Variants in ANKRD33B observed in about 807,000 individuals in gnomAD.
ANKRD33B encodes ankyrin repeat domain-containing protein 33B.
In ANKRD33B, 6 loss-of-function variants were observed where a neutral mutation model predicts 21.5. That is an observed-to-expected ratio of 0.28 (90% CI 0.15 to 0.55). The LOEUF is 0.55. Ranked by LOEUF, ANKRD33B falls within the 20% of genes least tolerant of loss-of-function variation. The probability of loss-of-function intolerance (pLI) is 0.94; values close to 1 mark genes in which losing one functional copy is unlikely to be tolerated. For synonymous variants in ANKRD33B, 347 were observed against 342.4 expected (o/e 1.01, Z -0.15); for missense variants, 698 against 747.2 (o/e 0.93, Z 0.77).
At chr5:10,640,989 G>T (rs1041114284) in intron 3 of ANKRD33B, among the ~76,000 whole-genome samples, 5 of 152,096 alleles carry the variant, frequency 3.3e-5, no homozygotes, top group African/African-American at 1.2e-4. Flanking sequence ...ACCCCCTAAA[G>T]GCCTCACCTC....
At chr5:10,647,197 C>A (rs1373861578) in intron 3 of ANKRD33B, among the ~76,000 whole-genome samples, 1 of 151,960 alleles carries the variant, frequency 6.6e-6, no homozygotes, top group African/African-American at 2.4e-5. Context: ...CTCTGCCTCC[C>A]GGGTTGAAGC....
chr5:10,564,949 C>T (rs1735014957), intron 1 of ANKRD33B, 116 bp downstream of exon 1: 4 of 1,352,778 alleles, frequency 3.0e-6, no homozygotes, highest in South Asian at 1.5e-5. Flanking sequence ...GGTCACTCAG[C>T]CGCCGCCCAG....
At chr5:10,614,670 C>T (rs1320546874) in intron 1 of ANKRD33B, among the ~76,000 whole-genome samples, 1 of 151,296 alleles carries the variant, frequency 6.6e-6, no homozygotes, top group Admixed American at 6.6e-5. Flanking sequence ...GTGGATCATT[C>T]GAGGTCAGGA....
intron 1 of ANKRD33B, among the ~76,000 whole-genome samples, chr5:10,603,824 T>C (rs905452868): frequency 6.6e-6 from 1 of 152,182 alleles, no homozygotes; most frequent in Non-Finnish European, 1.5e-5. Flanking sequence ...TTACTAATAT[T>C]TGATAAATGT....
chr5:10,610,201 C>T (rs79635498), intron 1 of ANKRD33B, among the ~76,000 whole-genome samples: 2,153 of 152,328 alleles, frequency 0.014, 40 homozygotes, highest in African/African-American at 0.049. Flanking sequence ...GAAGTTGTTG[C>T]AGCCGCTTTG....
At chr5:10,566,529 G>T (rs1321368221) in intron 1 of ANKRD33B, among the ~76,000 whole-genome samples, 2 of 152,228 alleles carry the variant, frequency 1.3e-5, no homozygotes, top group Admixed American at 1.3e-4. Context: ...GGTCTCCAGT[G>T]GGCTGGAATG....
chr5:10,614,682 T>C (rs1202205481), intron 1 of ANKRD33B, among the ~76,000 whole-genome samples: 2 of 151,958 alleles, frequency 1.3e-5, no homozygotes, highest in African/African-American at 4.8e-5. Context: ...AGGTCAGGAG[T>C]TTGAGACCAG....
In ANKRD33B at chr5:10,576,171, C is replaced by T. The variant is rs894985016; in HGVS notation, c.366+11338C>T. Among the ~76,000 whole-genome samples the T allele has an allele frequency of 2.0e-5, 3 of 152,254 alleles. No homozygotes were observed. The South Asian group carries it at 6.2e-4, about 32-fold the overall frequency. ...ATTTCAAAATAAAAAGTTGAATGAG[C>T]GTGAAAAGCTGCACGCATGACCTTT... On this transcript the variant is annotated intron_variant, in intron 1 of 3. Coordinates refer to ENST00000296657, the MANE Select transcript of ANKRD33B (RefSeq NM_001164440.2). The surrounding 1 kb of genome is among the most constrained non-coding windows in gnomAD (Gnocchi z 4.1).
In ANKRD33B at chr5:10,649,948, G is replaced by A. The variant is rs954774077; in HGVS notation, c.1320G>A (p.Arg440=). ...KAPAPTFQPE[R]PARKGSTKDS... is the part of the protein sequence containing the mutation. Reference sequence around the variant, plus strand: ...CCGCGCCCACCTTCCAGCCCGAGCGGCCGGCGCGGAAGGGCAGCACCAAGG... The same window carrying A: ...CCGCGCCCACCTTCCAGCCCGAGCGACCGGCGCGGAAGGGCAGCACCAAGG... The change falls in exon 4 of 4, where the codon CGG becomes CGA. Residue 440 remains arginine, a synonymous_variant. Transcript: ENST00000296657. The A allele has an allele frequency of 1.3e-6, 2 of 1,529,980 alleles. No individual in the cohort carries two copies. Among genetic ancestry groups the A allele is most frequent in the East Asian group, 4.9e-5 (2 of 40,426 alleles). 94.8% of individuals were successfully genotyped at this position (1,529,980 alleles called of 1,614,324 possible).
chr5:10,594,576 A>G (rs555039138), intron 1 of ANKRD33B, among the ~76,000 whole-genome samples: 4 of 152,248 alleles, frequency 2.6e-5, no homozygotes, highest in South Asian at 2.1e-4. Context: ...ATCCCCATGC[A>G]TGCCGAGGGC....
chr5:10,610,137 G>A (rs774883079), intron 1 of ANKRD33B, among the ~76,000 whole-genome samples: 65 of 152,324 alleles, frequency 4.3e-4, no homozygotes, highest in Non-Finnish European at 8.2e-4. Context: ...AAAGGTATTG[G>A]GAATTGGTGA....
rs565897338 is a variant in ANKRD33B, at chr5:10,612,047, G to A, written c.367-6286G>A. Among the ~76,000 whole-genome samples the A allele has an allele frequency of 3.3e-5, 5 of 152,276 alleles. No individual in the cohort carries two copies. In the East Asian group the frequency reaches 5.8e-4, roughly 18 times the overall value. ...CAGGGAAAGGATTCCTGCCTGTGGC[G>A]CCGGGCTTGAGGCTGCAGTACTCAC... On this transcript the variant is annotated intron_variant, in intron 1 of 3. Coordinates refer to ENST00000296657, the MANE Select transcript of ANKRD33B (RefSeq NM_001164440.2).
intron 1 of ANKRD33B, among the ~76,000 whole-genome samples, chr5:10,617,970 C>T (rs770479509): frequency 6.6e-6 from 1 of 152,206 alleles, no homozygotes; most frequent in Admixed American, 6.5e-5. Context: ...GAGCTGCACC[C>T]GCCCTGCACA....
intron 3 of ANKRD33B, among the ~76,000 whole-genome samples, chr5:10,641,700 G>T (rs924093124): frequency 2.0e-5 from 3 of 151,700 alleles, no homozygotes; most frequent in Admixed American, 6.6e-5. Flanking sequence ...CTTTCTTTTT[G>T]CTTTAACCTT....
At chr5:10,646,710 C>T (rs1579760190) in intron 3 of ANKRD33B, among the ~76,000 whole-genome samples, 1 of 152,242 alleles carries the variant, frequency 6.6e-6, no homozygotes, top group South Asian at 2.1e-4. Flanking sequence ...TTTTACTGCC[C>T]CCTTTTCATT....
At chr5:10,642,493 G>A (rs1379425919) in intron 3 of ANKRD33B, among the ~76,000 whole-genome samples, 2 of 152,094 alleles carry the variant, frequency 1.3e-5, no homozygotes, top group Admixed American at 1.3e-4. Flanking sequence ...CAGGAACCAG[G>A]ACCCAGTTTC....
At chr5:10,622,638 A>G (rs889630166) in intron 2 of ANKRD33B, among the ~76,000 whole-genome samples, 1 of 152,186 alleles carries the variant, frequency 6.6e-6, no homozygotes, top group African/African-American at 2.4e-5. Context: ...CTTGCAATAA[A>G]CCAATTTCAT....
At chr5:10,579,638 G>T (rs1735401291) in intron 1 of ANKRD33B, among the ~76,000 whole-genome samples, 3 of 151,878 alleles carry the variant, frequency 2.0e-5, no homozygotes, top group African/African-American at 7.3e-5. Context: ...TCTATCTTAT[G>T]ATTTAAAAAA....
At chr5:10,613,990 C>CGTGTGTGTGTGTGTGTGTGT (rs59864065) in intron 1 of ANKRD33B, among the ~76,000 whole-genome samples, 10 of 141,384 alleles carry the variant, frequency 7.1e-5, no homozygotes, top group African/African-American at 2.1e-4. Context: ...CCAGAGAAAT[C>CGTGTGTGTGTGTGTGTGTGT]GTGTGTGTGT....
Sources: gnomAD v4.1 joint callset for allele counts (sites outside exome capture counted in the v4.1 genomes callset) on GRCh38, gnomAD v4.1.1 for gene constraint, Gnocchi (gnomAD v3.1) non-coding constraint, MANE v1.5 for transcripts, NCBI Gene and HGNC (gene_info 2026-07-23, HGNC 2026-07-21) for gene names.